The following PDS5B variants were observed in gnomAD, a reference collection of about 807,000 sequenced individuals.
PDS5B encodes sister chromatid cohesion protein PDS5 homolog B.
In PDS5B, 51 loss-of-function variants were observed where a neutral mutation model predicts 184.1. That is an observed-to-expected ratio of 0.28 (90% confidence interval 0.22 to 0.35). The LOEUF is 0.35. PDS5B is among the 10% of genes least tolerant of loss of function. PDS5B has a pLI of 1.00. For missense variants in PDS5B, 1,180 were observed against 1,723.3 expected, an observed-to-expected ratio of 0.68 and a Z score of 5.58; for synonymous variants, 566 against 569.2, an observed-to-expected ratio of 0.99 and a Z score of 0.08.
At chr13:32,643,825 A>G (rs376209373) in intron 1 of PDS5B, among the ~76,000 whole-genome samples, 1 of 152,084 alleles carries the variant, frequency 6.6e-6, no homozygotes, top group Non-Finnish European at 1.5e-5. Context: ...TTCCCCAACA[A>G]CGTATTTATT....
At chr13:32,620,024 T>G (rs1593272777) in intron 1 of PDS5B, among the ~76,000 whole-genome samples, 1 of 152,012 alleles carries the variant, frequency 6.6e-6, no homozygotes, top group Non-Finnish European at 1.5e-5. Flanking sequence ...GTTTCTAACT[T>G]CTGACCTCAG....
intron 1 of PDS5B, among the ~76,000 whole-genome samples, chr13:32,619,831 T>C (rs1264662326): frequency 1.3e-5 from 2 of 152,176 alleles, no homozygotes; most frequent in Non-Finnish European, 2.9e-5. Flanking sequence ...GAAGTTTTGC[T>C]CTTGTCCTCT....
intron 31 of PDS5B, among the ~76,000 whole-genome samples, chr13:32,767,668 A>G (rs562027253): frequency 6.6e-6 from 1 of 152,300 alleles, no homozygotes; most frequent in South Asian, 2.1e-4. Context: ...AGAAAATCTC[A>G]AAACTGAGAT....
intron 11 of PDS5B, among the ~76,000 whole-genome samples, chr13:32,684,347 A>T (rs1198578331): frequency 6.6e-6 from 1 of 152,030 alleles, no homozygotes; most frequent in African/African-American, 2.4e-5. Context: ...TATGTTGTTG[A>T]CTCTTCTTTT....
intron 1 of PDS5B, among the ~76,000 whole-genome samples, chr13:32,630,115 C>T (rs2058431362): frequency 6.6e-6 from 1 of 152,154 alleles, no homozygotes; most frequent in African/African-American, 2.4e-5. Context: ...CCTTAACTTT[C>T]TTTTTTGACG....
intron 24 of PDS5B, among the ~76,000 whole-genome samples, chr13:32,751,387 G>A (rs946444245): frequency 1.3e-5 from 2 of 152,222 alleles, no homozygotes; most frequent in African/African-American, 4.8e-5. Flanking sequence ...TAATGGGATT[G>A]CTATGTCAAA....
At chr13:32,731,379 G>A (rs1244840465) in intron 19 of PDS5B, among the ~76,000 whole-genome samples, 4 of 152,046 alleles carry the variant, frequency 2.6e-5, no homozygotes, top group Non-Finnish European at 5.9e-5. Context: ...TCTTCCAGGT[G>A]GCTATATGAC....
In PDS5B at chr13:32,775,139, T is replaced by TCAAGC; in HGVS notation, c.*87_*88insCAAGC. Reference sequence around the variant, plus strand: ...GTCAAGCTTGAGGCTGAATAAAGCCTTTGATGCACAAAATGGGACTGCTGA... The same window carrying TCAAGC: ...GTCAAGCTTGAGGCTGAATAAAGCCTCAAGCTTGATGCACAAAATGGGACTGCTGA... On this transcript the variant is annotated 3_prime_UTR_variant, in exon 35 of 35. Transcript: ENST00000315596. 1 of 1,109,930 alleles carries TCAAGC rather than the reference T, an allele frequency of 9.0e-7. No homozygotes were observed. 68.8% of individuals were successfully genotyped at this position (1,109,930 alleles called of 1,614,324 possible). A position where few individuals can be genotyped will look rare whatever the true frequency, so the allele number is the denominator to read the frequency against.
intron 19 of PDS5B, among the ~76,000 whole-genome samples, chr13:32,721,997 A>C (rs1312657445): frequency 9.9e-5 from 15 of 152,238 alleles, no homozygotes; most frequent in Admixed American, 4.6e-4. Context: ...TTGGGAGGCC[A>C]AGGCAGGCGG....
chr13:32,765,825 C>T (rs778407510), intron 31 of PDS5B, among the ~76,000 whole-genome samples: 29 of 152,190 alleles, frequency 1.9e-4, no homozygotes, highest in African/African-American at 5.8e-4. Flanking sequence ...TGGTCTCAAA[C>T]GCCTGATGTC....
chr13:32,631,176 T>C (rs1047599318), intron 1 of PDS5B, among the ~76,000 whole-genome samples: 2 of 149,082 alleles, frequency 1.3e-5, no homozygotes, highest in African/African-American at 4.9e-5. Flanking sequence ...GGTGCAGTGG[T>C]GGGATCGTGG....
intron 1 of PDS5B, among the ~76,000 whole-genome samples, chr13:32,630,616 G>T (rs1394317746): frequency 2.0e-5 from 3 of 152,148 alleles, no homozygotes; most frequent in Admixed American, 2.0e-4. Context: ...TTTGATAGTA[G>T]TTGGGTAGTA....
intron 1 of PDS5B, among the ~76,000 whole-genome samples, chr13:32,607,629 T>C (rs954896607): frequency 5.9e-5 from 9 of 152,244 alleles, no homozygotes; most frequent in Non-Finnish European, 1.3e-4. Context: ...TTCTGCTGCC[T>C]TTTGTTCAGC....
chr13:32,642,214 A>G (rs1269581582), intron 1 of PDS5B, among the ~76,000 whole-genome samples: 1 of 152,144 alleles, frequency 6.6e-6, no homozygotes, highest in Non-Finnish European at 1.5e-5. Context: ...TTTTTGCTGT[A>G]ACCATAATTT....
intron 1 of PDS5B, among the ~76,000 whole-genome samples, chr13:32,613,534 C>T (rs1420705101): frequency 6.6e-6 from 1 of 152,018 alleles, no homozygotes; most frequent in Admixed American, 6.6e-5. Context: ...ATTTGTATAT[C>T]TTCTCTGGAA....
At chr13:32,664,414 G>A (rs7985656) in intron 6 of PDS5B, among the ~76,000 whole-genome samples, 5 of 152,012 alleles carry the variant, frequency 3.3e-5, no homozygotes, top group African/African-American at 9.7e-5. Context: ...AAATTTAACC[G>A]TAATGTGTAT....
At chr13:32,604,334 A>G (rs1382135593) in intron 1 of PDS5B, among the ~76,000 whole-genome samples, 3 of 152,122 alleles carry the variant, frequency 2.0e-5, no homozygotes, top group Non-Finnish European at 4.4e-5. Context: ...TGAGATAATC[A>G]TGTGGTTTTT....
chr13:32,676,475 G>A (rs1356765517), intron 9 of PDS5B, among the ~76,000 whole-genome samples: 1 of 152,088 alleles, frequency 6.6e-6, no homozygotes, highest in Non-Finnish European at 1.5e-5. Context: ...AGAATTTTGA[G>A]TGTGTTTGTG....
At chr13:32,711,863 C>T (rs1952216047) in intron 19 of PDS5B, among the ~76,000 whole-genome samples, 1 of 152,100 alleles carries the variant, frequency 6.6e-6, no homozygotes. Context: ...TGCTGAATGC[C>T]CACTTACTAT....
Sources: gnomAD v4.1 joint callset for allele counts (sites outside exome capture counted in the v4.1 genomes callset) on GRCh38, gnomAD v4.1.1 for gene constraint, MANE v1.5 for transcripts, NCBI Gene and HGNC (gene_info 2026-07-23, HGNC 2026-07-21) for gene names.